The following UBN2 variants were observed in gnomAD, a reference collection of about 807,000 sequenced individuals.
The protein encoded by UBN2 is ubinuclein-2.
Under a neutral mutation model 120.2 loss-of-function variants are expected in UBN2, and 35 were observed. The ratio of observed to expected loss-of-function variants is 0.29; its 90% CI spans 0.22 to 0.39. The LOEUF (loss-of-function observed/expected upper bound fraction) is 0.39, where lower values mean the gene tolerates loss of function less well. Among genes scored for constraint, UBN2 ranks in the 10% least tolerant of loss-of-function variants. The pLI, the probability that UBN2 is intolerant of heterozygous loss-of-function variation, is 1.00. For missense variants in UBN2, 1,693 were observed against 1,663.2 expected, an observed-to-expected ratio of 1.02 and a Z score of -0.31; for synonymous variants, 661 against 648.7, an observed-to-expected ratio of 1.02 and a Z score of -0.29.
rs1405632322 is a variant in UBN2 at position 139,302,308 on chromosome 7, C to G, written c.*4472C>G. Reference sequence around the variant, plus strand: ...GAGCTGCTGTACCATTGCATCCTTTCCAAACACTCCCCTTTCCATGTTTGC... The same window carrying G: ...GAGCTGCTGTACCATTGCATCCTTTGCAAACACTCCCCTTTCCATGTTTGC... On this transcript the variant is annotated 3_prime_UTR_variant, in exon 18 of 18. Coordinates refer to ENST00000473989, the MANE Select transcript of UBN2 (RefSeq NM_173569.4). 2 of 152,208 alleles carry G rather than the reference C, an allele frequency of 1.3e-5. No homozygotes were observed. The highest frequency in any genetic ancestry group is 1.3e-4 in the Admixed American group (2 of 15,280). 9.4% of individuals were successfully genotyped at this position (152,208 alleles called of 1,614,324 possible). A position where few individuals can be genotyped will look rare whatever the true frequency, so the allele number is the denominator to read the frequency against.
At chr7:139,236,878 C>T (rs549943964) in intron 1 of UBN2, 127 bp from the exon 2 acceptor site, 109 of 445,374 alleles carry the variant, frequency 2.4e-4, no homozygotes, top group African/African-American at 2.0e-3. Flanking sequence ...TAGTTTATTT[C>T]CTTTCAGATC....
In UBN2 at chr7:139,231,587, C is replaced by T. The variant is rs1013824506; in HGVS notation, c.103C>T (p.Pro35Ser). ...GCGTGAGCCCGAGTACCCCCGCGAG[C>T]CCCCCCGGCTGGAGCCGCAGCCGTA... ...PEREPEYPRE[P>S]PRLEPQPYRE... Residue 35 changes from proline to serine, a missense_variant, in exon 1 of 18, where the codon CCC becomes TCC. Pro to Ser is a moderately conservative substitution (Grantham distance 74). This residue lies in a region of UBN2 where 663 missense variants were observed against 591.2 expected (regional missense o/e 1.12). Coordinates refer to ENST00000473989, the MANE Select transcript of UBN2 (RefSeq NM_173569.4). 8 of 1,390,052 alleles carry T rather than the reference C, an allele frequency of 5.8e-6. No homozygotes were observed. Among genetic ancestry groups the T allele is most frequent in the East Asian group, 3.1e-5 (1 of 32,582 alleles). 86.1% of individuals were successfully genotyped at this position (1,390,052 alleles called of 1,614,324 possible). A position where few individuals can be genotyped will look rare whatever the true frequency, so the allele number is the denominator to read the frequency against.
intron 9 of UBN2, 113 bp from the exon 10 acceptor site, chr7:139,273,184 C>A: frequency 1.7e-6 from 1 of 587,964 alleles, no homozygotes; most frequent in Non-Finnish European, 2.8e-6. Flanking sequence ...TAGATTCCGT[C>A]TTTACCCTCT....
intron 3 of UBN2, 85 bp downstream of exon 3, chr7:139,252,142 C>A: frequency 9.5e-7 from 1 of 1,054,456 alleles, no homozygotes; most frequent in Non-Finnish European, 1.4e-6. Context: ...TTAAATAGTG[C>A]AGTGAATGTT....
At chr7:139,253,903 C>T (rs1218724106) in intron 3 of UBN2, among the ~76,000 whole-genome samples, 1 of 152,150 alleles carries the variant, frequency 6.6e-6, no homozygotes, top group African/African-American at 2.4e-5. Flanking sequence ...ACAGTGCTTG[C>T]TTATAAAGTT....
chr7:139,258,330 A>G (rs1367621211), intron 3 of UBN2, among the ~76,000 whole-genome samples, 158 bp from the exon 4 acceptor site: 2 of 152,070 alleles, frequency 1.3e-5, no homozygotes, highest in African/African-American at 4.8e-5. Context: ...TATTTCAGAT[A>G]GTAACCTTTT....
chr7:139,284,024 C>A lies in UBN2; in HGVS notation c.3119C>A (p.Ala1040Asp), dbSNP rs761912875. 1 of 1,613,986 alleles carries A rather than the reference C, an allele frequency of 6.2e-7. No homozygotes were observed. The highest frequency in any genetic ancestry group is 1.7e-5 in the Admixed American group (1 of 59,992). ...TCGATGGCTGCCTCCCCAAAACTTGCCGCATCTCCCAAGCCTGCCACATCT... is the reference window on the plus strand; with the variant it reads ...TCGATGGCTGCCTCCCCAAAACTTGACGCATCTCCCAAGCCTGCCACATCT... ...PFSMAASPKL[A>D]ASPKPATSPK... The change falls in exon 15 of 18, where the codon GCC becomes GAC. Residue 1040 changes from alanine (A) to aspartate (D), a missense_variant. This residue lies in a region of UBN2 where 837 missense variants were observed against 817.6 expected (regional missense o/e 1.02). Coordinates refer to ENST00000473989, the MANE Select transcript of UBN2 (RefSeq NM_173569.4).
chr7:139,262,713 CAA>C (rs745935446), intron 6 of UBN2, among the ~76,000 whole-genome samples: 1 of 82,016 alleles, frequency 1.2e-5, no homozygotes, highest in Non-Finnish European at 2.3e-5. Flanking sequence ...GACTCCATCT[CAA>C]AAAAAAAAAA....
chr7:139,303,559 C>T lies in UBN2; in HGVS notation c.*5723C>T, dbSNP rs1798307597. The T allele has an allele frequency of 6.6e-6, 1 of 152,108 alleles. No homozygotes were observed. The highest frequency in any genetic ancestry group is 1.5e-5 in the Non-Finnish European group (1 of 68,014). 9.4% of individuals were successfully genotyped at this position (152,108 alleles called of 1,614,324 possible). A position where few individuals can be genotyped will look rare whatever the true frequency, so the allele number is the denominator to read the frequency against. ...GGGGAATATTGTTTAACCTTCGTGC[C>T]TCAGATTACCCATTAGACAATTGGG... On this transcript the variant is annotated 3_prime_UTR_variant, in exon 18 of 18. Transcript: ENST00000473989.
chr7:139,255,771 C>T (rs537610093), intron 3 of UBN2, among the ~76,000 whole-genome samples: 1 of 152,074 alleles, frequency 6.6e-6, no homozygotes, highest in African/African-American at 2.4e-5. Context: ...GCACGAATTA[C>T]TAAAAATAAA....
At chr7:139,310,000 GAGTA>G (rs1324479341), downstream of UBN2, among the ~76,000 whole-genome samples, 6 of 152,128 alleles carry the variant, frequency 3.9e-5, no homozygotes, top group Non-Finnish European at 7.4e-5. Context: ...TGGATAACAT[GAGTA>G]AGTAAGTTGT....
At chr7:139,308,650 G>A (rs1311834888), downstream of UBN2, among the ~76,000 whole-genome samples, 1 of 152,090 alleles carries the variant, frequency 6.6e-6, no homozygotes, top group African/African-American at 2.4e-5. Context: ...GCAGAGCGTG[G>A]GAGTCCTTGA....
chr7:139,268,436 G>A (rs1277587653), intron 7 of UBN2, among the ~76,000 whole-genome samples: 3 of 152,042 alleles, frequency 2.0e-5, no homozygotes, highest in Non-Finnish European at 4.4e-5. Context: ...CTCCCATGAA[G>A]CTATCCAGTT....
intron 13 of UBN2, among the ~76,000 whole-genome samples, chr7:139,280,459 T>C (rs1232673111): frequency 6.6e-6 from 1 of 152,202 alleles, no homozygotes; most frequent in Non-Finnish European, 1.5e-5. Context: ...TCATACTCTT[T>C]AGGTTTTACA....
At chr7:139,274,857 G>A (rs1002092242) in intron 11 of UBN2, among the ~76,000 whole-genome samples, 1 of 151,942 alleles carries the variant, frequency 6.6e-6, no homozygotes, top group African/African-American at 2.4e-5. Context: ...GAAGGCCAAG[G>A]TGGGAGGATC....
At chr7:139,264,202 T>C (rs568493901) in intron 6 of UBN2, among the ~76,000 whole-genome samples, 17 of 152,222 alleles carry the variant, frequency 1.1e-4, no homozygotes, top group Non-Finnish European at 2.4e-4. Context: ...GTACTATCAA[T>C]TCCGTATTAC....
intron 15 of UBN2, among the ~76,000 whole-genome samples, chr7:139,289,536 C>G (rs775569602): frequency 6.6e-6 from 1 of 151,550 alleles, no homozygotes; most frequent in Non-Finnish European, 1.5e-5. Context: ...CCTCAGCCTC[C>G]AAGTACCTGG....
the UBN2 span, among the ~76,000 whole-genome samples, chr7:139,322,155 G>A: frequency 6.6e-6 from 1 of 152,080 alleles, no homozygotes; most frequent in African/African-American, 2.4e-5. Flanking sequence ...TGTATTTTTA[G>A]TAGAGATGGG....
chr7:139,252,325 G>A (rs954519545), intron 3 of UBN2, among the ~76,000 whole-genome samples: 4 of 151,818 alleles, frequency 2.6e-5, no homozygotes, highest in African/African-American at 7.3e-5. Context: ...TCTGTAAAAG[G>A]CCACATAGTA....
Sources: allele counts gnomAD v4.1 joint callset (sites outside exome capture counted in the v4.1 genomes callset), GRCh38; gene constraint gnomAD v4.1.1; regional missense constraint gnomAD v4.1.1; transcripts MANE v1.5; gene names NCBI Gene and HGNC (gene_info 2026-07-23, HGNC 2026-07-21).